The following KCNA2 variants were observed in gnomAD, a reference collection of about 807,000 sequenced individuals.
KCNA2 encodes potassium channel, voltage gated shaker related subfamily A, member 2.
Under a neutral mutation model 33.4 loss-of-function variants are expected in KCNA2, and 11 were observed. The observed-to-expected ratio is 0.33, with a 90% CI of 0.21 to 0.55. The LOEUF is 0.55. Ranked by LOEUF, KCNA2 falls within the 20% of genes least tolerant of loss-of-function variation. The pLI, the probability that KCNA2 is intolerant of heterozygous loss-of-function variation, is 0.93. For missense variants in KCNA2, 291 were observed against 621.6 expected (o/e 0.47, Z 5.66); for synonymous variants, 222 against 231.3 (o/e 0.96, Z 0.37).
chr1:110,630,726 G>A (rs1197360361), intron 1 of KCNA2, among the ~76,000 whole-genome samples: 1 of 152,136 alleles, frequency 6.6e-6, no homozygotes, highest in Non-Finnish European at 1.5e-5. Context: ...CTTATGCTAA[G>A]TGCTGTGCAA....
Position 110,602,231 on chromosome 1 carries a change from T to TA in KCNA2, c.*1051dup. Reference sequence around the variant, plus strand: ...CCAGAAGTTTTAGTTCCATTCCAAATAGTCTATTTTTTTTCCCCTGATGGA... The same window carrying TA: ...CCAGAAGTTTTAGTTCCATTCCAAATAAGTCTATTTTTTTTCCCCTGATGGA... On this transcript the variant is annotated 3_prime_UTR_variant, in exon 3 of 3. Transcript: ENST00000316361. The TA allele has an allele frequency of 6.5e-7, 1 of 1,538,656 alleles. No homozygotes were observed. Among genetic ancestry groups the TA allele is most frequent in the South Asian group, 1.2e-5 (1 of 82,988 alleles).
intron 1 of KCNA2, among the ~76,000 whole-genome samples, chr1:110,628,347 C>T (rs1283380622): frequency 1.3e-5 from 2 of 152,154 alleles, no homozygotes; most frequent in African/African-American, 4.8e-5. Context: ...ATGCTGTCCC[C>T]TTCTTCCATG....
rs146062430 is a variant in KCNA2 at position 110,595,938 on chromosome 1, C to T, written c.*7345G>A. 0.015 allele frequency: 14,482 copies of T among 985,418 alleles called. 125 individuals carry two copies. Among genetic ancestry groups the T allele is most frequent in the Middle Eastern group, 0.035 (67 of 1,914 alleles). 61.0% of individuals were successfully genotyped at this position (985,418 alleles called of 1,614,324 possible). ...CTTTGCCAGGTCTTCAAGCTTTCCA[C>T]TCCCCTCGAGTACAAAGTTTGGAAT... On this transcript the variant is annotated 3_prime_UTR_variant, in exon 3 of 3. Transcript: ENST00000316361.
At position 110,601,218 on chromosome 1, in the gene KCNA2, T is replaced by C; in HGVS notation, c.*2065A>G. 2.0e-6 allele frequency: 2 copies of C among 985,402 alleles called. No homozygotes were observed. Among genetic ancestry groups the C allele is most frequent in the Non-Finnish European group, 2.4e-6 (2 of 829,924 alleles). The allele number at this position is 985,402 out of a possible 1,614,324, so 61.0% of individuals were successfully genotyped here. On this transcript the variant is annotated 3_prime_UTR_variant, in exon 3 of 3. Coordinates refer to ENST00000316361, the MANE Select transcript of KCNA2 (RefSeq NM_004974.4). Reference sequence around the variant, plus strand: ...GAGAGTTTGGGTCTGGAGATCAAAATGATGCCTTTGGATCATCTAGGGACT... The same window carrying C: ...GAGAGTTTGGGTCTGGAGATCAAAACGATGCCTTTGGATCATCTAGGGACT...
chr1:110,594,401 A>C lies in KCNA2; in HGVS notation c.*8882T>G. ...GCAGCCTATATAAGCACATAAGCAC[A>C]CAGGTCTGGAAAAGGAAATAGCATC... On this transcript the variant is annotated 3_prime_UTR_variant, in exon 3 of 3. Transcript: ENST00000316361. 1 of 985,134 alleles carries C rather than the reference A, an allele frequency of 1.0e-6. No homozygotes were observed. The highest frequency in any genetic ancestry group is 1.2e-6 in the Non-Finnish European group (1 of 829,906). The allele number at this position is 985,134 out of a possible 1,614,324, so 61.0% of individuals were successfully genotyped here.
rs1003902367 is a variant in KCNA2 at position 110,595,066 on chromosome 1, G to C, written c.*8217C>G. 1 of 985,212 alleles carries C rather than the reference G, an allele frequency of 1.0e-6. No homozygotes were observed. The highest frequency in any genetic ancestry group is 1.7e-5 in the African/African-American group (1 of 57,202). The allele number at this position is 985,212 out of a possible 1,614,324, so 61.0% of individuals were successfully genotyped here. ...TTTCAAGGAGAAGCAGGGCTTAGAG[G>C]CCTCTCACAGAGACTCAGAAAGACA... On this transcript the variant is annotated 3_prime_UTR_variant, in exon 3 of 3. Coordinates refer to ENST00000316361, the MANE Select transcript of KCNA2 (RefSeq NM_004974.4).
Position 110,593,624 on chromosome 1 carries a change from T to C in KCNA2, c.*9659A>G. 3.1e-6 allele frequency: 1 copy of C among 325,666 alleles called. No individual in the cohort carries two copies. The highest frequency in any genetic ancestry group is 5.5e-6 in the Non-Finnish European group (1 of 181,980). The allele number at this position is 325,666 out of a possible 1,614,324, so 20.2% of individuals were successfully genotyped here. ...TTTTTTCATATCACACAGAATGATG[T>C]TAAAATAAATCCCCAGTAATATATA... On this transcript the variant is annotated 3_prime_UTR_variant, in exon 3 of 3. Coordinates refer to ENST00000316361, the MANE Select transcript of KCNA2 (RefSeq NM_004974.4).
In KCNA2 at chr1:110,594,276, C is replaced by CCTCTCT; in HGVS notation, c.*9001_*9006dup. 2 of 828,986 alleles carry CCTCTCT rather than the reference C, an allele frequency of 2.4e-6. No homozygotes were observed. The highest frequency in any genetic ancestry group is 1.9e-5 in the African/African-American group (1 of 52,142). 51.4% of individuals were successfully genotyped at this position (828,986 alleles called of 1,614,324 possible). ...GAGCCTAAGTGAGTGGCGGCCATTTCCTCTCTCTCTCTCTCTCTATATATA... is the reference window on the plus strand; with the variant it reads ...GAGCCTAAGTGAGTGGCGGCCATTTCCTCTCTCTCTCTCTCTCTCTCTCTATATATA... On this transcript the variant is annotated 3_prime_UTR_variant, in exon 3 of 3. Coordinates refer to ENST00000316361, the MANE Select transcript of KCNA2 (RefSeq NM_004974.4).
intron 1 of KCNA2, among the ~76,000 whole-genome samples, chr1:110,622,776 A>T (rs1269348998): frequency 6.6e-6 from 1 of 152,230 alleles, no homozygotes; most frequent in Non-Finnish European, 1.5e-5. Flanking sequence ...AATCTGAGAA[A>T]GGATGTGAAA....
intron 1 of KCNA2, among the ~76,000 whole-genome samples, chr1:110,626,509 C>T (rs755346693): frequency 4.0e-5 from 6 of 150,656 alleles, no homozygotes; most frequent in Admixed American, 6.6e-5. Context: ...GTGGACAGGG[C>T]GGAGTGAGAA....
chr1:110,598,288 C>A lies in KCNA2; in HGVS notation c.*4995G>T, dbSNP rs1014765281. On this transcript the variant is annotated 3_prime_UTR_variant, in exon 3 of 3. Coordinates refer to ENST00000316361, the MANE Select transcript of KCNA2 (RefSeq NM_004974.4). ...GGGGAGCAGAGCTCAGCACCATCAT[C>A]CCCTCTCTTGAGTAAACAAGTCAAA... 1 of 768,944 alleles carries A rather than the reference C, an allele frequency of 1.3e-6. No homozygotes were observed. Among genetic ancestry groups the A allele is most frequent in the African/African-American group, 1.9e-5 (1 of 52,898 alleles). 47.6% of individuals were successfully genotyped at this position (768,944 alleles called of 1,614,324 possible).
upstream of KCNA2, among the ~76,000 whole-genome samples, chr1:110,608,518 T>A (rs1358483306): frequency 6.6e-6 from 1 of 152,122 alleles, no homozygotes; most frequent in African/African-American, 2.4e-5. Context: ...TGAAAGCCCA[T>A]GAAGCGGGAC....
Position 110,594,308 on chromosome 1 carries a change from C to CATATATATATATATATAT in KCNA2, c.*8974_*8975insATATATATATATATATAT, listed in dbSNP as rs762498068. On this transcript the variant is annotated 3_prime_UTR_variant, in exon 3 of 3. Coordinates refer to ENST00000316361, the MANE Select transcript of KCNA2 (RefSeq NM_004974.4). ...CTCTCTCTCTCTATATATATATATACATATATATATATATGTGTGTGTATA... is the reference window on the plus strand; with the variant it reads ...CTCTCTCTCTCTATATATATATATACATATATATATATATATATATATATATATATATGTGTGTGTATA... 1 of 660,406 alleles carries CATATATATATATATATAT rather than the reference C, an allele frequency of 1.5e-6. No individual in the cohort carries two copies. The highest frequency in any genetic ancestry group is 1.8e-6 in the Non-Finnish European group (1 of 549,020). The allele number at this position is 660,406 out of a possible 1,614,324, so 40.9% of individuals were successfully genotyped here.
chr1:110,601,528 G>A lies in KCNA2; in HGVS notation c.*1755C>T. 2.0e-6 allele frequency: 2 copies of A among 986,516 alleles called. No homozygotes were observed. Among genetic ancestry groups the A allele is most frequent in the East Asian group, 1.1e-4 (1 of 8,862 alleles). The allele number at this position is 986,516 out of a possible 1,614,324, so 61.1% of individuals were successfully genotyped here. A position where few individuals can be genotyped will look rare whatever the true frequency, so the allele number is the denominator to read the frequency against. ...GGTCTGGCCCAGGACAGCTGGAACT[G>A]TGAGGGCCACAGGGCCCTTGTGCAC... On this transcript the variant is annotated 3_prime_UTR_variant, in exon 3 of 3. Coordinates refer to ENST00000316361, the MANE Select transcript of KCNA2 (RefSeq NM_004974.4).
chr1:110,612,816 C>T (rs1649918445), intron 1 of KCNA2, among the ~76,000 whole-genome samples: 1 of 152,230 alleles, frequency 6.6e-6, no homozygotes, highest in Non-Finnish European at 1.5e-5. Context: ...TCCTGGAAGT[C>T]CACACTGGCA....
chr1:110,622,260 A>G (rs1650277487), intron 1 of KCNA2, among the ~76,000 whole-genome samples: 1 of 152,170 alleles, frequency 6.6e-6, no homozygotes, highest in African/African-American at 2.4e-5. Context: ...GATTATCTTA[A>G]TAGACAGAGA....
chr1:110,597,747 G>A lies in KCNA2; in HGVS notation c.*5536C>T. On this transcript the variant is annotated 3_prime_UTR_variant, in exon 3 of 3. Coordinates refer to ENST00000316361, the MANE Select transcript of KCNA2 (RefSeq NM_004974.4). ...ACTATCTATCACTTTTCAGTCCTGA[G>A]AGCAAGATTTTGAAAGAGCTATTGC... 1.0e-6 allele frequency: 1 copy of A among 985,326 alleles called. No homozygotes were observed. The highest frequency in any genetic ancestry group is 4.7e-5 in the South Asian group (1 of 21,274). The allele number at this position is 985,326 out of a possible 1,614,324, so 61.0% of individuals were successfully genotyped here.
At chr1:110,621,412 T>C (rs753967380) in intron 1 of KCNA2, among the ~76,000 whole-genome samples, 2 of 152,120 alleles carry the variant, frequency 1.3e-5, no homozygotes, top group Non-Finnish European at 2.9e-5. Context: ...AAAGAAGATC[T>C]TACATCAATG....
chr1:110,616,183 G>T (rs940691246), intron 1 of KCNA2, among the ~76,000 whole-genome samples: 3 of 152,200 alleles, frequency 2.0e-5, no homozygotes, highest in Non-Finnish European at 2.9e-5. Context: ...TTAAATCAGG[G>T]ACTCTGTAAC....
Sources: allele counts gnomAD v4.1 joint callset (sites outside exome capture counted in the v4.1 genomes callset), GRCh38; gene constraint gnomAD v4.1.1; transcripts MANE v1.5; gene names NCBI Gene and HGNC (gene_info 2026-07-23, HGNC 2026-07-21).